The following ST7 variants were observed in gnomAD, a reference collection of about 807,000 sequenced individuals.
ST7 encodes suppression of tumorigenicity 7.
A neutral mutation model predicts 78.7 loss-of-function variants in ST7; 28 were observed. The ratio of observed to expected loss-of-function variants is 0.36; its 90% CI spans 0.26 to 0.49. The LOEUF (loss-of-function observed/expected upper bound fraction) is 0.49. Among genes scored for constraint, ST7 ranks in the 20% least tolerant of loss-of-function variants. The pLI, the probability that ST7 is intolerant of heterozygous loss-of-function variation, is 0.99. For missense variants in ST7, 418 were observed against 696.0 expected (o/e 0.60, Z 4.49); for synonymous variants, 247 against 249.6 (o/e 0.99, Z 0.10).
chr7:117,134,291 C>T, intron 7 of ST7, 99 bp downstream of exon 7: 1 of 1,553,544 alleles, frequency 6.4e-7, no homozygotes. Context: ...TTTCTTGCTT[C>T]TGTATGTGTA....
chr7:117,101,932 T>G (rs1156384764), intron 2 of ST7, among the ~76,000 whole-genome samples: 1 of 152,184 alleles, frequency 6.6e-6, no homozygotes, highest in Non-Finnish European at 1.5e-5. Flanking sequence ...TTAAAATGGG[T>G]TGAAATAAGG....
chr7:117,019,090 A>G (rs1195443543), intron 1 of ST7, among the ~76,000 whole-genome samples: 1 of 152,196 alleles, frequency 6.6e-6, no homozygotes, highest in Non-Finnish European at 1.5e-5. Flanking sequence ...TAAAAACTGT[A>G]TTGAGATCAA....
At chr7:117,069,132 C>G (rs559320700) in intron 1 of ST7, among the ~76,000 whole-genome samples, 1 of 152,318 alleles carries the variant, frequency 6.6e-6, no homozygotes, top group Admixed American at 6.5e-5. Context: ...AATATTATCA[C>G]TATATATTTT....
At chr7:116,992,250 T>G (rs139240549) in intron 1 of ST7, among the ~76,000 whole-genome samples, 1 of 152,196 alleles carries the variant, frequency 6.6e-6, no homozygotes, top group Non-Finnish European at 1.5e-5. Flanking sequence ...GACCCTTCAT[T>G]TCCCTTCTGC....
chr7:117,164,848 T>A (rs1489258214), intron 9 of ST7, among the ~76,000 whole-genome samples: 10 of 73,612 alleles, frequency 1.4e-4, no homozygotes, highest in Admixed American at 2.1e-4. Flanking sequence ...TTATTGTTTT[T>A]TGGTGGGGCG....
At chr7:117,006,490 GT>G in intron 1 of ST7, among the ~76,000 whole-genome samples, 1 of 152,194 alleles carries the variant, frequency 6.6e-6, no homozygotes, top group Non-Finnish European at 1.5e-5. Context: ...ATATTTTTAT[GT>G]CTTTTTATTC....
intron 10 of ST7, chr7:117,182,633 A>G (rs1050269529): frequency 6.6e-6 from 1 of 152,192 alleles, no homozygotes; most frequent in Non-Finnish European, 1.5e-5. Flanking sequence ...CCACACAATC[A>G]TAGGAACAAA....
chr7:117,118,364 A>G (rs1803068133), intron 2 of ST7: 1 of 152,216 alleles, frequency 6.6e-6, no homozygotes, highest in Admixed American at 6.5e-5. Context: ...GGATTAAATC[A>G]AGGTGTCCTG....
chr7:117,085,694 C>G (rs1174044448), intron 1 of ST7, among the ~76,000 whole-genome samples: 1 of 152,140 alleles, frequency 6.6e-6, no homozygotes, highest in Non-Finnish European at 1.5e-5. Context: ...TACTTTGTAG[C>G]AAATTGAATA....
At chr7:117,074,179 C>T (rs1480869356) in intron 1 of ST7, among the ~76,000 whole-genome samples, 3 of 152,018 alleles carry the variant, frequency 2.0e-5, no homozygotes, top group Non-Finnish European at 4.4e-5. Flanking sequence ...TCACTTGAGG[C>T]CAGGAGTTCG....
At position 117,120,748 on chromosome 7, in the gene ST7, GT is replaced by G. The variant is rs1803303938; in HGVS notation, c.394+1029del. On this transcript the variant is annotated intron_variant, in intron 3 of 15. Transcript: ENST00000323984. ...CTTTAGCAACACATCAAATTACATT[GT>G]AATTTTTAAGGTATGGCTTTATTGT... Among the ~76,000 whole-genome samples, 3 of 152,026 alleles carry G rather than the reference GT, an allele frequency of 2.0e-5. No homozygotes were observed. In the South Asian group the frequency reaches 6.2e-4, roughly 32 times the overall value.
intron 1 of ST7, among the ~76,000 whole-genome samples, chr7:116,986,675 C>T (rs1398964279): frequency 1.3e-5 from 2 of 151,864 alleles, no homozygotes; most frequent in South Asian, 4.2e-4. Context: ...CAGGTTTTGG[C>T]GGAAAGACTA....
At chr7:117,167,913 A>G (rs539556205) in intron 9 of ST7, among the ~76,000 whole-genome samples, 35 of 152,252 alleles carry the variant, frequency 2.3e-4, no homozygotes, top group Middle Eastern at 3.4e-3. Flanking sequence ...AAGCAGATTC[A>G]GATTGTGGGG....
chr7:117,023,735 G>A (rs1480711512), intron 1 of ST7, among the ~76,000 whole-genome samples: 1 of 151,936 alleles, frequency 6.6e-6, no homozygotes, highest in African/African-American at 2.4e-5. Flanking sequence ...TTTTGTTGAG[G>A]AAGGTGATAA....
intron 1 of ST7, among the ~76,000 whole-genome samples, chr7:117,065,321 G>A (rs1301178549): frequency 1.4e-5 from 2 of 145,686 alleles, no homozygotes; most frequent in South Asian, 2.4e-4. Context: ...CCATTCTCCC[G>A]CCTCAGCCTC....
intron 1 of ST7, among the ~76,000 whole-genome samples, chr7:116,963,604 G>C (rs1792942063): frequency 6.6e-6 from 1 of 151,860 alleles, no homozygotes; most frequent in Non-Finnish European, 1.5e-5. Context: ...ATACTCTGTG[G>C]AGAACCCTAA....
chr7:117,175,207 C>T (rs1185168062), intron 10 of ST7, among the ~76,000 whole-genome samples: 1 of 152,082 alleles, frequency 6.6e-6, no homozygotes. Flanking sequence ...TTATCTTTCT[C>T]TTCAGTCATA....
chr7:117,001,328 C>A (rs1447048179), intron 1 of ST7, among the ~76,000 whole-genome samples: 1 of 1,822 alleles, frequency 5.5e-4, no homozygotes, highest in Non-Finnish European at 5.4e-3. Flanking sequence ...CTACCTTTTG[C>A]CTGAAAAAAA....
intron 1 of ST7, among the ~76,000 whole-genome samples, chr7:117,029,785 ACTT>A (rs941444819): frequency 2.7e-5 from 4 of 150,788 alleles, no homozygotes; most frequent in African/African-American, 7.3e-5. Context: ...ATGAATATTC[ACTT>A]CTTCTAGCAC....
Sources: gnomAD v4.1 joint callset for allele counts (sites outside exome capture counted in the v4.1 genomes callset) on GRCh38, gnomAD v4.1.1 for gene constraint, MANE v1.5 for transcripts, NCBI Gene and HGNC (gene_info 2026-07-23, HGNC 2026-07-21) for gene names.